The following PDZD8 variants were observed in gnomAD, a reference collection of about 807,000 sequenced individuals.
PDZD8 encodes PDZ domain-containing protein 8.
Under a neutral mutation model 85.8 loss-of-function variants are expected in PDZD8, and 14 were observed. The ratio of observed to expected loss-of-function variants is 0.16; its 90% CI spans 0.11 to 0.26. The LOEUF (loss-of-function observed/expected upper bound fraction) is 0.26. Ranked by LOEUF, PDZD8 falls within the 10% of genes least tolerant of loss-of-function variation. The pLI is 1.00. For missense variants in PDZD8, 1,197 were observed against 1,424.3 expected (o/e 0.84, Z 2.57); for synonymous variants, 592 against 568.6 (o/e 1.04, Z -0.59).
chr10:117,287,512 A>G (rs1459428282), intron 4 of PDZD8, among the ~76,000 whole-genome samples: 1 of 152,210 alleles, frequency 6.6e-6, no homozygotes, highest in Non-Finnish European at 1.5e-5. Flanking sequence ...CAGCAGAGCT[A>G]AAACCTTTCT....
intron 1 of PDZD8, among the ~76,000 whole-genome samples, chr10:117,347,189 C>T (rs191275931): frequency 6.6e-6 from 1 of 151,890 alleles, no homozygotes; most frequent in South Asian, 2.1e-4. Flanking sequence ...CCTCATTATA[C>T]CCCGCCAGCA....
chr10:117,322,248 C>T (rs1321540945), intron 2 of PDZD8, among the ~76,000 whole-genome samples: 4 of 152,070 alleles, frequency 2.6e-5, no homozygotes, highest in Non-Finnish European at 4.4e-5. Flanking sequence ...ACAGTTCTGG[C>T]GGCCATATGA....
intron 1 of PDZD8, among the ~76,000 whole-genome samples, chr10:117,373,816 T>C (rs968417732): frequency 2.6e-5 from 4 of 151,956 alleles, no homozygotes; most frequent in Non-Finnish European, 4.4e-5. Context: ...AAAGTATTCC[T>C]TTGCAAGAGT....
intron 2 of PDZD8, among the ~76,000 whole-genome samples, chr10:117,338,296 C>T (rs1844551763): frequency 6.6e-6 from 1 of 152,178 alleles, no homozygotes; most frequent in Non-Finnish European, 1.5e-5. Flanking sequence ...TACCACAACA[C>T]TGAGTAACTT....
At position 117,374,461 on chromosome 10, in the gene PDZD8, C is replaced by A. The variant is rs765992089; in HGVS notation, c.767G>T (p.Arg256Leu). Residue 256 changes from arginine (R) to leucine (L), a missense_variant, in exon 1 of 5, where the codon CGC becomes CTC. This residue lies in a region of PDZD8 where 344 missense variants were observed against 453.6 expected (regional missense o/e 0.76). Coordinates refer to ENST00000334464, the MANE Select transcript of PDZD8 (RefSeq NM_173791.5). This position sits in a 1 kb window ranked among gnomAD's most constrained non-coding sequence, Gnocchi z 7.8. ...VEDPLIDFEVRSQFEGRPMPQ... is the reference protein window; with the variant it reads ...VEDPLIDFEVLSQFEGRPMPQ... ...CATGGGCCGCCCTTCAAACTGGGAGCGCACCTCGAAGTCGATCAGCGGGTC... is the reference window on the plus strand; with the variant it reads ...CATGGGCCGCCCTTCAAACTGGGAGAGCACCTCGAAGTCGATCAGCGGGTC... The A allele has an allele frequency of 3.7e-6, 6 of 1,613,998 alleles. No homozygotes were observed. The South Asian group carries it at 6.6e-5, about 18-fold the overall frequency.
chr10:117,343,075 C>CG (rs5788225), intron 1 of PDZD8, among the ~76,000 whole-genome samples: 1 of 152,008 alleles, frequency 6.6e-6, no homozygotes, highest in South Asian at 2.1e-4. Context: ...CATCCATCAT[C>CG]CATACCTGAC....
intron 1 of PDZD8, among the ~76,000 whole-genome samples, chr10:117,360,999 A>G (rs578143468): frequency 1.3e-5 from 2 of 152,344 alleles, no homozygotes; most frequent in South Asian, 2.1e-4. Context: ...TAAAAATTTT[A>G]AACATAAGAA....
At chr10:117,322,821 G>T (rs1419973044) in intron 2 of PDZD8, among the ~76,000 whole-genome samples, 1 of 152,250 alleles carries the variant, frequency 6.6e-6, no homozygotes, top group East Asian at 1.9e-4. Flanking sequence ...CCTGGTCAGG[G>T]AATGGGTCAG....
At chr10:117,285,558 T>C in intron 4 of PDZD8, 87 bp from the exon 5 acceptor site, 1 of 1,208,384 alleles carries the variant, frequency 8.3e-7, no homozygotes, top group Non-Finnish European at 1.1e-6. Context: ...TAAATATATA[T>C]AATTGCCATT....
At chr10:117,309,833 T>C (rs557439685) in intron 3 of PDZD8, among the ~76,000 whole-genome samples, 1 of 152,262 alleles carries the variant, frequency 6.6e-6, no homozygotes, top group South Asian at 2.1e-4. Context: ...TCCCATTTTA[T>C]AGAATAAAGT....
chr10:117,340,373 C>T (rs941626899), intron 2 of PDZD8, among the ~76,000 whole-genome samples: 2 of 152,190 alleles, frequency 1.3e-5, no homozygotes, highest in Non-Finnish European at 2.9e-5. Context: ...GATATCTGAT[C>T]GTCCTTTACC....
intron 2 of PDZD8, among the ~76,000 whole-genome samples, chr10:117,340,507 T>C (rs1010778811): frequency 2.0e-5 from 3 of 152,206 alleles, no homozygotes; most frequent in African/African-American, 7.2e-5. Context: ...TGATCCCACA[T>C]TGCTTCTTGG....
At chr10:117,343,222 G>T (rs182946329) in intron 1 of PDZD8, among the ~76,000 whole-genome samples, 1 of 152,192 alleles carries the variant, frequency 6.6e-6, no homozygotes, top group Admixed American at 6.5e-5. Context: ...AATAGAGGGG[G>T]TTAAATGCTG....
intron 2 of PDZD8, among the ~76,000 whole-genome samples, chr10:117,319,419 ACACACACACACACACT>A (rs1256881978): frequency 4.4e-3 from 444 of 100,066 alleles, no homozygotes; most frequent in Non-Finnish European, 6.6e-3. Flanking sequence ...ACACACACAC[ACACACACACACACACT>A]CTTCATCTAC....
chr10:117,368,745 A>G (rs1845132360), intron 1 of PDZD8, among the ~76,000 whole-genome samples: 1 of 151,938 alleles, frequency 6.6e-6, no homozygotes, highest in African/African-American at 2.4e-5. Flanking sequence ...AAAAGGAGAC[A>G]CTATCTACTT....
intron 1 of PDZD8, among the ~76,000 whole-genome samples, chr10:117,351,432 G>C (rs1173383350): frequency 1.3e-5 from 2 of 152,040 alleles, no homozygotes; most frequent in African/African-American, 4.8e-5. Flanking sequence ...TCAAAATCAG[G>C]CAAAAAACAA....
intron 1 of PDZD8, among the ~76,000 whole-genome samples, chr10:117,370,941 T>TGTGTGTGTGTGTGTGTGTGA (rs1845179059): frequency 6.6e-6 from 1 of 151,914 alleles, no homozygotes; most frequent in Non-Finnish European, 1.5e-5. Flanking sequence ...TGTGTGTGTG[T>TGTGTGTGTGTGTGTGTGTGA]GTGTGTGTGT....
chr10:117,373,925 T>A (rs774654791), intron 1 of PDZD8, among the ~76,000 whole-genome samples: 2 of 152,220 alleles, frequency 1.3e-5, no homozygotes, highest in Non-Finnish European at 2.9e-5. Context: ...TCTTCACGCG[T>A]GTACTGTGTC....
rs1844737821 is a variant in PDZD8 at position 117,290,408 on chromosome 10, A to G, written c.1099-60T>C. ...AATGGATTCCTAGTAATAGAGGAAA[A>G]AAACAGTAACAGACTGTTATGTGCA... is the stretch of plus-strand genomic sequence containing the variant. On this transcript the variant is annotated intron_variant, in intron 3 of 4. Transcript: ENST00000334464. 5.1e-6 allele frequency: 7 copies of G among 1,371,834 alleles called. No individual in the cohort carries two copies. The East Asian group carries it at 1.6e-4, about 32-fold the overall frequency. 85.0% of individuals were successfully genotyped at this position (1,371,834 alleles called of 1,614,324 possible). A position where few individuals can be genotyped will look rare whatever the true frequency, so the allele number is the denominator to read the frequency against.
Sources: allele counts gnomAD v4.1 joint callset (sites outside exome capture counted in the v4.1 genomes callset), GRCh38; gene constraint gnomAD v4.1.1; regional missense constraint gnomAD v4.1.1; non-coding constraint Gnocchi (gnomAD v3.1); transcripts MANE v1.5; gene names NCBI Gene and HGNC (gene_info 2026-07-23, HGNC 2026-07-21).